EGLN1: variants seen among roughly 807,000 people sequenced by gnomAD.
EGLN1 encodes the protein egl-9 family hypoxia inducible factor 1.
A neutral mutation model predicts 38.3 loss-of-function variants in EGLN1; 17 were observed. The observed-to-expected ratio is 0.44, with a 90% CI of 0.30 to 0.67. The LOEUF (loss-of-function observed/expected upper bound fraction) is 0.67. EGLN1 is among the 30% of genes least tolerant of loss of function. EGLN1 has a pLI of 0.08. For missense variants in EGLN1, 477 were observed against 603.3 expected (o/e 0.79, Z 2.19); for synonymous variants, 283 against 257.5 (o/e 1.10, Z -0.95).
intron 1 of EGLN1, among the ~76,000 whole-genome samples, chr1:231,393,956 C>T (rs561132469): frequency 6.6e-6 from 1 of 152,268 alleles, no homozygotes; most frequent in African/African-American, 2.4e-5. Context: ...TTTTCCTCTC[C>T]CTGTGGATAA....
At chr1:231,373,846 C>G (rs575496346) in intron 2 of EGLN1, 134 bp downstream of exon 2, 7 of 970,136 alleles carry the variant, frequency 7.2e-6, no homozygotes, top group Non-Finnish European at 1.1e-5. Context: ...ACTCCTAATA[C>G]CTGAGACTGA....
In EGLN1 at chr1:231,366,904, AG is replaced by A. The variant is rs1233174808; in HGVS notation, c.1217-430del. 2.0e-5 allele frequency among the ~76,000 whole-genome samples: 3 copies of A among 152,234 alleles called. No homozygotes were observed. In the East Asian group the frequency reaches 5.8e-4, roughly 29 times the overall value. On this transcript the variant is annotated intron_variant, in intron 4 of 4. Coordinates refer to ENST00000366641, the MANE Select transcript of EGLN1 (RefSeq NM_022051.3). ...CAGCTAATCAGTAATGTGAATACTC[AG>A]TGGATTTTTGGAGATAGAAAGTAGA...
intron 1 of EGLN1, among the ~76,000 whole-genome samples, chr1:231,377,841 C>T (rs1687996455): frequency 6.6e-6 from 1 of 152,146 alleles, no homozygotes; most frequent in Non-Finnish European, 1.5e-5. Context: ...AGAGGCAGTG[C>T]TTAGCTGTTT....
chr1:231,388,487 CTG>C (rs1558385781), intron 1 of EGLN1, among the ~76,000 whole-genome samples: 1 of 152,068 alleles, frequency 6.6e-6, no homozygotes, highest in African/African-American at 2.4e-5. Flanking sequence ...GTCTCGCTCT[CTG>C]TCTGTCTCAG....
chr1:231,417,978 T>G (rs886277455), intron 1 of EGLN1, among the ~76,000 whole-genome samples: 1 of 152,184 alleles, frequency 6.6e-6, no homozygotes, highest in Non-Finnish European at 1.5e-5. Context: ...TGAACTAACT[T>G]TTCCTGAGTC....
intron 1 of EGLN1, among the ~76,000 whole-genome samples, chr1:231,392,103 T>C (rs1483195961): frequency 2.0e-5 from 3 of 151,982 alleles, no homozygotes; most frequent in South Asian, 2.1e-4. Flanking sequence ...CTGGCTAACA[T>C]GGTGAAACTC....
chr1:231,391,308 C>CAG (rs1428918604), intron 1 of EGLN1, among the ~76,000 whole-genome samples: 5 of 152,090 alleles, frequency 3.3e-5, no homozygotes, highest in Middle Eastern at 6.8e-3. Flanking sequence ...AGCTCTAAGA[C>CAG]TATACATCCA....
chr1:231,368,949 G>T (rs1687741229), intron 3 of EGLN1, among the ~76,000 whole-genome samples: 1 of 152,034 alleles, frequency 6.6e-6, no homozygotes, highest in Non-Finnish European at 1.5e-5. Flanking sequence ...AAATAGGAAA[G>T]GGCTCAGATA....
At chr1:231,414,196 G>A (rs915396736) in intron 1 of EGLN1, among the ~76,000 whole-genome samples, 2 of 152,128 alleles carry the variant, frequency 1.3e-5, no homozygotes, top group Admixed American at 1.3e-4. Flanking sequence ...GGGCACAGTG[G>A]AAAAGAAGGT....
chr1:231,366,556 T>G (rs949579874), intron 4 of EGLN1, 81 bp from the exon 5 acceptor site: 8 of 1,375,334 alleles, frequency 5.8e-6, no homozygotes, highest in African/African-American at 1.4e-5. Flanking sequence ...ACTGAATTCC[T>G]AAGAGTATGG....
At chr1:231,403,007 G>A (rs2102927659) in intron 1 of EGLN1, among the ~76,000 whole-genome samples, 1 of 151,672 alleles carries the variant, frequency 6.6e-6, no homozygotes, top group Non-Finnish European at 1.5e-5. Flanking sequence ...TGACCCATAG[G>A]TTATTTAGAA....
At chr1:231,397,871 A>G (rs1416578336) in intron 1 of EGLN1, among the ~76,000 whole-genome samples, 1 of 152,220 alleles carries the variant, frequency 6.6e-6, no homozygotes, top group Non-Finnish European at 1.5e-5. Flanking sequence ...TGAAATCTGA[A>G]AGGCTGAGAT....
At chr1:231,391,813 T>C (rs1688397085) in intron 1 of EGLN1, among the ~76,000 whole-genome samples, 1 of 152,128 alleles carries the variant, frequency 6.6e-6, no homozygotes, top group Admixed American at 6.5e-5. Context: ...ATTTTGAAAC[T>C]ATTATTACAA....
chr1:231,385,299 G>C (rs1027584656), intron 1 of EGLN1, among the ~76,000 whole-genome samples: 2 of 152,220 alleles, frequency 1.3e-5, no homozygotes, highest in Non-Finnish European at 2.9e-5. Flanking sequence ...GTAAGGCATA[G>C]TGCTAGGAAG....
intron 3 of EGLN1, among the ~76,000 whole-genome samples, chr1:231,369,123 C>T (rs570018949): frequency 9.2e-5 from 14 of 152,200 alleles, no homozygotes; most frequent in South Asian, 2.1e-4. Flanking sequence ...GAATCCTTTT[C>T]GTCGCATGAT....
chr1:231,398,483 TAA>T (rs1056785652), intron 1 of EGLN1, among the ~76,000 whole-genome samples: 2 of 152,180 alleles, frequency 1.3e-5, no homozygotes, highest in Admixed American at 1.3e-4. Flanking sequence ...TTTTTGTAAA[TAA>T]AGTTTTATTG....
intron 1 of EGLN1, among the ~76,000 whole-genome samples, chr1:231,411,492 T>G (rs1688941314): frequency 6.6e-6 from 1 of 152,228 alleles, no homozygotes; most frequent in Non-Finnish European, 1.5e-5. Context: ...ACTTCTTAGA[T>G]TTGACATTTC....
At chr1:231,378,587 T>C (rs1256837992) in intron 1 of EGLN1, among the ~76,000 whole-genome samples, 1 of 152,146 alleles carries the variant, frequency 6.6e-6, no homozygotes, top group East Asian at 1.9e-4. Context: ...TGAGACACCG[T>C]GCCTGGCTGA....
At chr1:231,417,480 C>T (rs939471711) in intron 1 of EGLN1, among the ~76,000 whole-genome samples, 3 of 152,126 alleles carry the variant, frequency 2.0e-5, no homozygotes, top group Non-Finnish European at 4.4e-5. Context: ...CATTCCTCTT[C>T]CTCCTGTACC....
Sources: gnomAD v4.1 joint callset for allele counts (sites outside exome capture counted in the v4.1 genomes callset) on GRCh38, gnomAD v4.1.1 for gene constraint, MANE v1.5 for transcripts, NCBI Gene and HGNC (gene_info 2026-07-23, HGNC 2026-07-21) for gene names.